The following PPP1R12B variants were observed in gnomAD, a reference collection of about 807,000 sequenced individuals.
PPP1R12B encodes the protein protein phosphatase 1 regulatory subunit 12B.
Under a neutral mutation model 126.1 loss-of-function variants are expected in PPP1R12B, and 76 were observed. That is an observed-to-expected ratio of 0.60 (90% CI 0.50 to 0.73). The LOEUF (loss-of-function observed/expected upper bound fraction) is 0.73, where lower values mean the gene tolerates loss of function less well. Ranked by LOEUF, PPP1R12B falls within the 30% of genes least tolerant of loss-of-function variation. The probability of loss-of-function intolerance (pLI) is 0.00; values close to 1 mark genes in which losing one functional copy is unlikely to be tolerated. For synonymous variants in PPP1R12B, 356 were observed against 434.7 expected (o/e 0.82, Z 2.25); for missense variants, 1,052 against 1,205.1 (o/e 0.87, Z 1.88).
intron 9 of PPP1R12B, among the ~76,000 whole-genome samples, chr1:202,437,594 T>C (rs1670998351): frequency 6.6e-6 from 1 of 152,136 alleles, no homozygotes; most frequent in Non-Finnish European, 1.5e-5. Flanking sequence ...GAGCACTGTG[T>C]GAAGAATCCG....
At chr1:202,395,114 CAAAAAAAAAAAA>C (rs71142529) in intron 1 of PPP1R12B, among the ~76,000 whole-genome samples, 1 of 97,958 alleles carries the variant, frequency 1.0e-5, no homozygotes, top group Non-Finnish European at 1.9e-5. Context: ...GAGACTCTCT[CAAAAAAAAAAAA>C]AAAAAAAAGA....
intron 12 of PPP1R12B, chr1:202,445,210 C>T (rs1672085082): frequency 8.0e-7 from 1 of 1,246,518 alleles, no homozygotes; most frequent in Non-Finnish European, 1.0e-6. Flanking sequence ...AACACTACTG[C>T]ATCTGTACAT....
chr1:202,476,699 T>C (rs1038150365), intron 13 of PPP1R12B, among the ~76,000 whole-genome samples: 1 of 151,456 alleles, frequency 6.6e-6, no homozygotes, highest in African/African-American at 2.4e-5. Flanking sequence ...AAAAAAAAAT[T>C]TTTTTTTAGT....
chr1:202,451,795 G>A (rs372073021), intron 13 of PPP1R12B, among the ~76,000 whole-genome samples: 1 of 149,994 alleles, frequency 6.7e-6, no homozygotes, highest in Non-Finnish European at 1.5e-5. Context: ...TGGCAGGGTG[G>A]GGGCTGACCC....
At chr1:202,571,513 G>A (rs986784691) in intron 23 of PPP1R12B, among the ~76,000 whole-genome samples, 2 of 152,004 alleles carry the variant, frequency 1.3e-5, no homozygotes, top group African/African-American at 4.8e-5. Context: ...GCACAATGTC[G>A]GCTTACTGCA....
chr1:202,459,438 A>G (rs1025791277), intron 13 of PPP1R12B, among the ~76,000 whole-genome samples: 8 of 152,204 alleles, frequency 5.3e-5, no homozygotes, highest in Non-Finnish European at 1.2e-4. Context: ...GCAGGATTCT[A>G]GATAATTTAT....
chr1:202,543,466 C>T (rs1685319850), intron 18 of PPP1R12B, among the ~76,000 whole-genome samples: 1 of 152,112 alleles, frequency 6.6e-6, no homozygotes, highest in South Asian at 2.1e-4. Flanking sequence ...CCCAGCTGGG[C>T]GCAGTGGCTC....
chr1:202,373,816 A>G (rs1284238170), intron 1 of PPP1R12B, among the ~76,000 whole-genome samples: 1 of 152,188 alleles, frequency 6.6e-6, no homozygotes, highest in African/African-American at 2.4e-5. Context: ...TAACACACAG[A>G]AAAGTGTACA....
intron 18 of PPP1R12B, among the ~76,000 whole-genome samples, chr1:202,498,596 C>T (rs1679843376): frequency 6.6e-6 from 1 of 152,214 alleles, no homozygotes; most frequent in South Asian, 2.1e-4. Flanking sequence ...CTAATGCTAG[C>T]AGGCATGATG....
At chr1:202,510,918 ATATT>A (rs962656288) in intron 18 of PPP1R12B, among the ~76,000 whole-genome samples, 4 of 146,540 alleles carry the variant, frequency 2.7e-5, no homozygotes, top group African/African-American at 5.0e-5. Context: ...TAATATAATA[ATATT>A]TATACTATTT....
chr1:202,584,683 A>G lies in PPP1R12B; in HGVS notation c.*4123A>G, dbSNP rs919912982. On this transcript the variant is annotated 3_prime_UTR_variant, in exon 24 of 24. Transcript: ENST00000608999. ...CATGGAGTGAGCAGAAGAAGCCTGG[A>G]GAAGAGAGAACTATTTAAAAGTGTT... 3 of 152,236 alleles carry G rather than the reference A, an allele frequency of 2.0e-5. No individual in the cohort carries two copies. The highest frequency in any genetic ancestry group is 7.2e-5 in the African/African-American group (3 of 41,454). The allele number at this position is 152,236 out of a possible 1,614,324, so 9.4% of individuals were successfully genotyped here. A position where few individuals can be genotyped will look rare whatever the true frequency, so the allele number is the denominator to read the frequency against.
intron 1 of PPP1R12B, among the ~76,000 whole-genome samples, chr1:202,415,471 A>G (rs1015169585): frequency 1.8e-4 from 27 of 152,362 alleles, no homozygotes; most frequent in African/African-American, 6.5e-4. Flanking sequence ...GGGGATTAAA[A>G]GGCAAGTTTT....
chr1:202,351,256 A>AC (rs1414439848), intron 1 of PPP1R12B, among the ~76,000 whole-genome samples: 5 of 150,834 alleles, frequency 3.3e-5, no homozygotes, highest in African/African-American at 1.2e-4. Context: ...AAAAAAAAAA[A>AC]CAGTGTCTCA....
intron 5 of PPP1R12B, 66 bp downstream of exon 5, chr1:202,427,250 T>TA: frequency 1.3e-6 from 2 of 1,590,998 alleles, no homozygotes; most frequent in Non-Finnish European, 1.7e-6. Flanking sequence ...ATAAAAGGCT[T>TA]AACATCTCTT....
Position 202,503,138 on chromosome 1 carries a change from C to T in PPP1R12B, c.2490+6316C>T, listed in dbSNP as rs964726136. ...ATACAGTAATCCAGGAGAAAACTGA[C>T]GGTGGTTTGTACCAGGATAATAGCA... On this transcript the variant is annotated intron_variant, in intron 18 of 23. Transcript: ENST00000608999. 4.6e-5 allele frequency among the ~76,000 whole-genome samples: 7 copies of T among 152,094 alleles called. No individual in the cohort carries two copies. The East Asian group carries it at 7.7e-4, about 17-fold the overall frequency.
At chr1:202,426,053 T>C (rs1319223096) in intron 4 of PPP1R12B, among the ~76,000 whole-genome samples, 1 of 152,222 alleles carries the variant, frequency 6.6e-6, no homozygotes, top group Non-Finnish European at 1.5e-5. Flanking sequence ...ATACTTGTGA[T>C]CATTTGTTCC....
At chr1:202,399,553 A>G (rs1340169474) in intron 1 of PPP1R12B, among the ~76,000 whole-genome samples, 5 of 150,068 alleles carry the variant, frequency 3.3e-5, no homozygotes, top group Admixed American at 2.0e-4. Context: ...CTGGAGTGCA[A>G]TGGCGCAATC....
chr1:202,539,708 C>T (rs537709573), intron 18 of PPP1R12B: 2 of 155,244 alleles, frequency 1.3e-5, no homozygotes, highest in Admixed American at 1.2e-4. Context: ...AGTTCCCAGA[C>T]TCGCTGCCGG....
intron 1 of PPP1R12B, among the ~76,000 whole-genome samples, chr1:202,350,087 T>C (rs1435352744): frequency 6.6e-6 from 1 of 152,230 alleles, no homozygotes; most frequent in African/African-American, 2.4e-5. Context: ...AAAGTGAATG[T>C]ATTGGCATGA....
Sources: gnomAD v4.1 joint callset for allele counts (sites outside exome capture counted in the v4.1 genomes callset) on GRCh38, gnomAD v4.1.1 for gene constraint, MANE v1.5 for transcripts, NCBI Gene and HGNC (gene_info 2026-07-23, HGNC 2026-07-21) for gene names.